WDR27: variants seen among roughly 807,000 people sequenced by gnomAD.
WDR27 encodes the protein WD repeat-containing protein 27.
A neutral mutation model predicts 114.4 loss-of-function variants in WDR27; 100 were observed. The ratio of observed to expected loss-of-function variants is 0.87; its 90% CI spans 0.74 to 1.03. The LOEUF (loss-of-function observed/expected upper bound fraction) is 1.03, where lower values mean the gene tolerates loss of function less well. Ranked by LOEUF, WDR27 falls within the 50% of genes least tolerant of loss-of-function variation. The probability of loss-of-function intolerance (pLI) is 0.00; values close to 1 mark genes in which losing one functional copy is unlikely to be tolerated. For missense variants in WDR27, 1,129 were observed against 1,092.9 expected (o/e 1.03, Z -0.47); for synonymous variants, 449 against 423.1 (o/e 1.06, Z -0.75).
intron 8 of WDR27, chr6:169,663,858 C>T (rs1827041116): frequency 5.2e-6 from 2 of 387,270 alleles, no homozygotes; most frequent in East Asian, 5.0e-5. Flanking sequence ...ATCAGCATGA[C>T]CTGCCCTCCT....
the WDR27 span, among the ~76,000 whole-genome samples, chr6:169,431,642 T>C: frequency 6.6e-6 from 1 of 152,232 alleles, no homozygotes; most frequent in African/African-American, 2.4e-5. Flanking sequence ...TAGGTTCATT[T>C]GCCCACTTGG....
Position 169,638,218 on chromosome 6 carries a change from A to G in WDR27, c.1869+321T>C, listed in dbSNP as rs1818158810. 1.7e-5 allele frequency among the ~76,000 whole-genome samples: 2 copies of G among 116,138 alleles called. 1 individual carries two copies. Among genetic ancestry groups the G allele is most frequent in the Non-Finnish European group, 3.4e-5 (2 of 59,358 alleles). 76.2% of individuals were successfully genotyped at this position (116,138 alleles called of 152,430 possible). A position where few individuals can be genotyped will look rare whatever the true frequency, so the allele number is the denominator to read the frequency against. On this transcript the variant is annotated intron_variant, in intron 18 of 25. Transcript: ENST00000448612. ...GTAGTCCCAGCTACTCGGGAGGCTGAGGCAGGAGAATGGCGTGAACCCGGG... is the reference window on the plus strand; with the variant it reads ...GTAGTCCCAGCTACTCGGGAGGCTGGGGCAGGAGAATGGCGTGAACCCGGG...
At chr6:169,488,491 G>A (rs958542366) in intron 25 of WDR27, among the ~76,000 whole-genome samples, 2 of 152,208 alleles carry the variant, frequency 1.3e-5, no homozygotes, top group African/African-American at 4.8e-5. Flanking sequence ...AAAGAAAGGA[G>A]AAAATGAGCA....
At chr6:169,564,768 C>T (rs1280421079) in intron 25 of WDR27, among the ~76,000 whole-genome samples, 3 of 152,156 alleles carry the variant, frequency 2.0e-5, no homozygotes, top group Non-Finnish European at 2.9e-5. Context: ...AGCACTGGAA[C>T]GCTCCATGGC....
At chr6:169,497,289 A>C (rs1219260946) in intron 25 of WDR27, among the ~76,000 whole-genome samples, 2 of 152,138 alleles carry the variant, frequency 1.3e-5, no homozygotes, top group Non-Finnish European at 1.5e-5. Flanking sequence ...CAAAGGCCTG[A>C]ATGGAAGACT....
At chr6:169,554,000 T>A (rs901005522) in intron 25 of WDR27, among the ~76,000 whole-genome samples, 1 of 152,264 alleles carries the variant, frequency 6.6e-6, no homozygotes, top group African/African-American at 2.4e-5. Context: ...GAAATTATTC[T>A]TTGTAATCTT....
chr6:169,627,096 C>A (rs1449318333), intron 21 of WDR27, among the ~76,000 whole-genome samples: 2 of 152,192 alleles, frequency 1.3e-5, no homozygotes, highest in African/African-American at 4.8e-5. Flanking sequence ...TCAGGGTCCT[C>A]CTCCATGATT....
chr6:169,676,256 C>A (rs994080176), intron 2 of WDR27, among the ~76,000 whole-genome samples: 1 of 152,162 alleles, frequency 6.6e-6, no homozygotes, highest in South Asian at 2.1e-4. Context: ...TAAACTCTGA[C>A]CTTTTTCTTC....
intron 25 of WDR27, among the ~76,000 whole-genome samples, chr6:169,482,887 C>A (rs2865089): frequency 0.83 from 125,796 of 152,188 alleles, 53,073 homozygotes; most frequent in African/African-American, 0.93. Context: ...AAAATTGCTC[C>A]AAACCATACA....
the WDR27 span, among the ~76,000 whole-genome samples, chr6:169,427,435 C>G: frequency 8.4e-6 from 1 of 118,450 alleles, no homozygotes; most frequent in Non-Finnish European, 2.2e-5. Context: ...CGCCTAGGAC[C>G]GTGGGCCCCC....
intron 23 of WDR27, among the ~76,000 whole-genome samples, chr6:169,597,877 T>TACACACACACACACACACAC (rs67336814): frequency 1.4e-5 from 2 of 142,222 alleles, no homozygotes; most frequent in East Asian, 2.2e-4. Context: ...TTACCATTCA[T>TACACACACACACACACACAC]ACACACACAC....
At chr6:169,431,822 A>G in the WDR27 span, among the ~76,000 whole-genome samples, 1 of 152,238 alleles carries the variant, frequency 6.6e-6, no homozygotes, top group African/African-American at 2.4e-5. Flanking sequence ...TTTTCTTAGA[A>G]TTAAAGTAAA....
intron 12 of WDR27, among the ~76,000 whole-genome samples, 157 bp downstream of exon 12, chr6:169,658,929 C>T (rs1406474859): frequency 6.6e-6 from 1 of 152,218 alleles, no homozygotes; most frequent in Non-Finnish European, 1.5e-5. Flanking sequence ...CCTCGTGATC[C>T]ACCCGCCTCG....
chr6:169,540,229 C>T (rs1232645721), intron 25 of WDR27, among the ~76,000 whole-genome samples: 1 of 152,150 alleles, frequency 6.6e-6, no homozygotes, highest in African/African-American at 2.4e-5. Flanking sequence ...TTCCTCACAC[C>T]CAACTGAAAT....
At chr6:169,603,353 T>C (rs1479041953) in intron 22 of WDR27, among the ~76,000 whole-genome samples, 2 of 152,148 alleles carry the variant, frequency 1.3e-5, no homozygotes, top group African/African-American at 2.4e-5. Context: ...ATATTTGTCA[T>C]AAATTTAATT....
At position 169,667,945 on chromosome 6, in the gene WDR27, T is replaced by G. The variant is rs772713792; in HGVS notation, c.660+37A>C. The G allele has an allele frequency of 3.7e-5, 58 of 1,574,722 alleles. 1 individual carries two copies. In the East Asian group the frequency reaches 1.3e-3, roughly 36 times the overall value. ...TCACCACAGTTCTTTCCACAGCACGTGCCACGCGGGAACGCCATCCAGCGT... is the reference window on the plus strand; with the variant it reads ...TCACCACAGTTCTTTCCACAGCACGGGCCACGCGGGAACGCCATCCAGCGT... On this transcript the variant is annotated intron_variant, in intron 5 of 25. Transcript: ENST00000448612.
chr6:169,655,408 C>T (rs1053373776), intron 13 of WDR27, among the ~76,000 whole-genome samples: 1 of 152,358 alleles, frequency 6.6e-6, no homozygotes, highest in Non-Finnish European at 1.5e-5. Context: ...CTCACAACAG[C>T]AGCCTGGGAC....
At chr6:169,621,434 A>G (rs1444311259) in intron 21 of WDR27, among the ~76,000 whole-genome samples, 1 of 151,926 alleles carries the variant, frequency 6.6e-6, no homozygotes, top group African/African-American at 2.4e-5. Context: ...GCATTCACAC[A>G]TATACATATG....
rs200710674 is a variant in WDR27, at chr6:169,673,816, A to AT, written c.190-1421dup. Among the ~76,000 whole-genome samples the AT allele has an allele frequency of 7.9e-3, 1,198 of 152,266 alleles. 22 individuals are homozygous for AT. Among genetic ancestry groups the AT allele is most frequent in the African/African-American group, 0.028 (1,151 of 41,550 alleles). ...TTGCCTTAATGTTGATAACTCTACA[A>AT]TTTTTTTCCGTAAAGAAATATGAAT... On this transcript the variant is annotated intron_variant, in intron 2 of 25. Coordinates refer to ENST00000448612, the MANE Select transcript of WDR27 (RefSeq NM_182552.5).
Sources: allele counts gnomAD v4.1 joint callset (sites outside exome capture counted in the v4.1 genomes callset), GRCh38; gene constraint gnomAD v4.1.1; transcripts MANE v1.5; gene names NCBI Gene and HGNC (gene_info 2026-07-23, HGNC 2026-07-21).